Variants in NCAM2 observed in about 807,000 individuals in gnomAD.
The protein encoded by NCAM2 is neural cell adhesion molecule 2.
In NCAM2, 30 loss-of-function variants were observed where a neutral mutation model predicts 98.1. The ratio of observed to expected loss-of-function variants is 0.31; its 90% CI spans 0.23 to 0.41. The LOEUF (loss-of-function observed/expected upper bound fraction) is 0.41, where lower values mean the gene tolerates loss of function less well. Ranked by LOEUF, NCAM2 falls within the 10% of genes least tolerant of loss-of-function variation. The pLI is 1.00. For missense variants in NCAM2, 867 were observed against 1,005.8 expected, an observed-to-expected ratio of 0.86 and a Z score of 1.87; for synonymous variants, 368 against 342.4, an observed-to-expected ratio of 1.07 and a Z score of -0.83.
intron 6 of NCAM2, among the ~76,000 whole-genome samples, chr21:21,329,626 A>G (rs771903810): frequency 6.6e-5 from 10 of 152,152 alleles, no homozygotes; most frequent in Non-Finnish European, 1.3e-4. Context: ...ATATTGTTCC[A>G]TCATTTTCTT....
chr21:21,386,479 G>A (rs774570415), intron 9 of NCAM2, among the ~76,000 whole-genome samples: 1 of 152,080 alleles, frequency 6.6e-6, no homozygotes, highest in Non-Finnish European at 1.5e-5. Context: ...TGTCCAGTAT[G>A]GTAATTTCAA....
At chr21:21,112,249 C>T (rs1052174905) in intron 1 of NCAM2, among the ~76,000 whole-genome samples, 2 of 152,138 alleles carry the variant, frequency 1.3e-5, no homozygotes, top group Non-Finnish European at 1.5e-5. Context: ...CACTTTCTCT[C>T]CTATTTTCCT....
At chr21:21,201,953 C>T (rs1244293510) in intron 1 of NCAM2, among the ~76,000 whole-genome samples, 1 of 152,132 alleles carries the variant, frequency 6.6e-6, no homozygotes, top group Non-Finnish European at 1.5e-5. Context: ...GGTGGTCTAA[C>T]TGTATCCCAA....
chr21:21,018,481 A>G (rs1421625402), intron 1 of NCAM2, among the ~76,000 whole-genome samples: 1 of 152,218 alleles, frequency 6.6e-6, no homozygotes, highest in African/African-American at 2.4e-5. Flanking sequence ...CTGAATTATC[A>G]CACTTCTTGT....
At chr21:21,325,643 CA>C (rs1286731306) in intron 6 of NCAM2, among the ~76,000 whole-genome samples, 24 of 152,204 alleles carry the variant, frequency 1.6e-4, no homozygotes, top group Non-Finnish European at 2.2e-4. Flanking sequence ...CTTAAAAGTC[CA>C]TATCAGACCT....
chr21:21,051,427 G>A (rs1014689125), intron 1 of NCAM2, among the ~76,000 whole-genome samples: 1 of 152,154 alleles, frequency 6.6e-6, no homozygotes, highest in Non-Finnish European at 1.5e-5. Context: ...AACCCAGTCT[G>A]GGATACTCAC....
At position 21,393,896 on chromosome 21, in the gene NCAM2, G is replaced by C. The variant is rs79759959; in HGVS notation, c.1196-16378G>C. ...TTTATGTATGATTTGATGAAGGAAAGATATTCTGATTAGAAAAAGGAGAAT... is the reference window on the plus strand; with the variant it reads ...TTTATGTATGATTTGATGAAGGAAACATATTCTGATTAGAAAAAGGAGAAT... On this transcript the variant is annotated intron_variant, in intron 9 of 17. Coordinates refer to ENST00000400546, the MANE Select transcript of NCAM2 (RefSeq NM_004540.5). Among the ~76,000 whole-genome samples, 257 of 152,208 alleles carry C rather than the reference G, an allele frequency of 1.7e-3. 2 individuals carry two copies. Among genetic ancestry groups the C allele is most frequent in the African/African-American group, 6.1e-3 (252 of 41,542 alleles).
At position 21,335,728 on chromosome 21, in the gene NCAM2, A is replaced by G. The variant is rs540813942; in HGVS notation, c.898+63A>G. 2.3e-6 allele frequency: 3 copies of G among 1,279,186 alleles called. No individual in the cohort carries two copies. The African/African-American group carries it at 4.6e-5, about 20-fold the overall frequency. The allele number at this position is 1,279,186 out of a possible 1,614,324, so 79.2% of individuals were successfully genotyped here. A position where few individuals can be genotyped will look rare whatever the true frequency, so the allele number is the denominator to read the frequency against. On this transcript the variant is annotated intron_variant, in intron 7 of 17. Transcript: ENST00000400546. Reference sequence around the variant, plus strand: ...TATTGGAAGATCAGAGTGAAATTCTACTCTAATCATTTGAACTATTTAAAC... The same window carrying G: ...TATTGGAAGATCAGAGTGAAATTCTGCTCTAATCATTTGAACTATTTAAAC...
intron 1 of NCAM2, among the ~76,000 whole-genome samples, chr21:21,223,971 C>T (rs1361893512): frequency 2.0e-5 from 3 of 152,126 alleles, no homozygotes; most frequent in Non-Finnish European, 4.4e-5. Context: ...AGAAAGCAAT[C>T]ACGGAACACA....
At chr21:21,267,812 T>TA (rs1292577930) in intron 1 of NCAM2, among the ~76,000 whole-genome samples, 1 of 152,202 alleles carries the variant, frequency 6.6e-6, no homozygotes, top group Non-Finnish European at 1.5e-5. Context: ...ATAATGGAGC[T>TA]AGTATTGAAT....
intron 1 of NCAM2, among the ~76,000 whole-genome samples, chr21:21,182,451 G>T (rs571629641): frequency 5.9e-5 from 9 of 152,284 alleles, no homozygotes; most frequent in African/African-American, 1.9e-4. Context: ...TGTGTTTTCA[G>T]ATGAAATGAA....
At chr21:21,159,755 C>G (rs1030578644) in intron 1 of NCAM2, among the ~76,000 whole-genome samples, 1 of 151,986 alleles carries the variant, frequency 6.6e-6, no homozygotes, top group African/African-American at 2.4e-5. Flanking sequence ...TACTCTCTCT[C>G]TCCCTCTCTC....
intron 1 of NCAM2, among the ~76,000 whole-genome samples, chr21:21,091,223 A>T (rs182116549): frequency 5.4e-4 from 82 of 152,304 alleles, no homozygotes; most frequent in African/African-American, 1.9e-3. Flanking sequence ...TTAGTAGTAC[A>T]TAATTGAAGG....
chr21:21,466,543 G>T, intron 12 of NCAM2, 63 bp from the exon 13 acceptor site: 1 of 1,180,360 alleles, frequency 8.5e-7, no homozygotes, highest in South Asian at 1.8e-5. Context: ...TTATTAAAAT[G>T]TGTCCAATTA....
At chr21:21,228,545 C>G (rs1243508182) in intron 1 of NCAM2, among the ~76,000 whole-genome samples, 1 of 151,134 alleles carries the variant, frequency 6.6e-6, no homozygotes, top group African/African-American at 2.4e-5. Context: ...CTTCATGAAT[C>G]ATGATGAAAA....
intron 5 of NCAM2, among the ~76,000 whole-genome samples, chr21:21,302,328 G>A (rs564651835): frequency 6.6e-6 from 1 of 152,152 alleles, no homozygotes; most frequent in African/African-American, 2.4e-5. Flanking sequence ...TCAATCTTCT[G>A]CGTATGACCA....
chr21:21,065,304 G>T (rs114070859), intron 1 of NCAM2, among the ~76,000 whole-genome samples: 55 of 152,170 alleles, frequency 3.6e-4, no homozygotes, highest in Non-Finnish European at 7.1e-4. Context: ...CATTTAACAA[G>T]CAATTATATT....
intron 12 of NCAM2, among the ~76,000 whole-genome samples, chr21:21,451,118 C>T (rs1980998212): frequency 6.6e-6 from 1 of 152,098 alleles, no homozygotes; most frequent in Non-Finnish European, 1.5e-5. Context: ...AGTATGACAT[C>T]AGTCACGCCT....
At chr21:21,490,175 C>G (rs1002862361) in intron 15 of NCAM2, among the ~76,000 whole-genome samples, 16 of 151,782 alleles carry the variant, frequency 1.1e-4, no homozygotes, top group Non-Finnish European at 1.5e-5. Flanking sequence ...TTGCACATAG[C>G]CTGGAATAGT....
Sources: allele counts gnomAD v4.1 joint callset (sites outside exome capture counted in the v4.1 genomes callset), GRCh38; gene constraint gnomAD v4.1.1; transcripts MANE v1.5; gene names NCBI Gene and HGNC (gene_info 2026-07-23, HGNC 2026-07-21).